Variants in DTNA observed in about 807,000 individuals in gnomAD.
DTNA encodes the protein dystrobrevin alpha.
A neutral mutation model predicts 100.7 loss-of-function variants in DTNA; 43 were observed. That is an observed-to-expected ratio of 0.43 (90% CI 0.33 to 0.55). DTNA has a LOEUF of 0.55. Among genes scored for constraint, DTNA ranks in the 20% least tolerant of loss-of-function variants. The probability of loss-of-function intolerance (pLI) is 0.04; values close to 1 mark genes in which losing one functional copy is unlikely to be tolerated. For synonymous variants in DTNA, 349 were observed against 347.9 expected, an observed-to-expected ratio of 1.00 and a Z score of -0.04; for missense variants, 798 against 953.9, an observed-to-expected ratio of 0.84 and a Z score of 2.15.
chr18:34,543,936 C>A (rs920598952), intron 1 of DTNA, among the ~76,000 whole-genome samples: 4 of 152,048 alleles, frequency 2.6e-5, no homozygotes, highest in Non-Finnish European at 5.9e-5. Flanking sequence ...AGGAAGGGGG[C>A]TGTTTTTGCA....
chr18:34,716,574 A>G (rs1184048745), intron 1 of DTNA, among the ~76,000 whole-genome samples: 1 of 152,152 alleles, frequency 6.6e-6, no homozygotes, highest in East Asian at 1.9e-4. Context: ...AATTAAAAGA[A>G]AGAAAGAAAA....
chr18:34,822,700 T>G (rs9947522), intron 9 of DTNA: 11,136 of 153,714 alleles, frequency 0.072, 415 homozygotes, highest in African/African-American at 0.079. Flanking sequence ...AGTATTTAAT[T>G]GGCTGAGTAA....
At chr18:34,772,402 A>G (rs1340995270) in intron 3 of DTNA, among the ~76,000 whole-genome samples, 2 of 152,208 alleles carry the variant, frequency 1.3e-5, no homozygotes, top group Non-Finnish European at 2.9e-5. Context: ...AAAAAAATGC[A>G]GTTACCTTTT....
chr18:34,719,655 G>A (rs1398115545), intron 1 of DTNA, among the ~76,000 whole-genome samples: 1 of 152,178 alleles, frequency 6.6e-6, no homozygotes, highest in Non-Finnish European at 1.5e-5. Context: ...TTATCATTAT[G>A]TAATAAGATT....
At chr18:34,525,389 C>T (rs1198050165) in intron 1 of DTNA, among the ~76,000 whole-genome samples, 1 of 152,128 alleles carries the variant, frequency 6.6e-6, no homozygotes, top group Non-Finnish European at 1.5e-5. Context: ...CTTTCTCGCA[C>T]ACTGTCTTTC....
At chr18:34,787,693 A>G (rs548839850) in intron 3 of DTNA, among the ~76,000 whole-genome samples, 113 of 152,296 alleles carry the variant, frequency 7.4e-4, no homozygotes, top group African/African-American at 2.6e-3. Context: ...CAGAAAACAC[A>G]TTAAAAATAT....
At chr18:34,854,706 T>C (rs1171848098) in intron 15 of DTNA, among the ~76,000 whole-genome samples, 11 of 152,168 alleles carry the variant, frequency 7.2e-5, no homozygotes, top group Admixed American at 7.2e-4. Flanking sequence ...CTCTAAGACA[T>C]ATTATGATTG....
chr18:34,752,142 A>T (rs1385983097), intron 1 of DTNA, among the ~76,000 whole-genome samples: 2 of 152,208 alleles, frequency 1.3e-5, no homozygotes, highest in African/African-American at 2.4e-5. Context: ...AAAACTGACC[A>T]AATTGGGCTC....
At chr18:34,625,234 G>A (rs1387789758) in intron 1 of DTNA, among the ~76,000 whole-genome samples, 4 of 152,104 alleles carry the variant, frequency 2.6e-5, no homozygotes, top group African/African-American at 4.8e-5. Context: ...TCACCATGTT[G>A]GCCAGACTGG....
intron 1 of DTNA, among the ~76,000 whole-genome samples, chr18:34,527,455 A>G (rs1161435944): frequency 6.6e-6 from 1 of 152,016 alleles, no homozygotes; most frequent in Non-Finnish European, 1.5e-5. Context: ...ATAGACAGAA[A>G]CTTCAGCAAA....
intron 1 of DTNA, among the ~76,000 whole-genome samples, chr18:34,516,455 C>G (rs1452325691): frequency 6.6e-6 from 1 of 152,054 alleles, no homozygotes; most frequent in Non-Finnish European, 1.5e-5. Context: ...GGTTTGAGAG[C>G]AGACAACTGG....
intron 1 of DTNA, among the ~76,000 whole-genome samples, chr18:34,495,773 A>G (rs1427945260): frequency 6.6e-6 from 1 of 152,188 alleles, no homozygotes; most frequent in Non-Finnish European, 1.5e-5. Context: ...AAGTTGAAAT[A>G]CTTTTAAAAT....
chr18:34,692,683 T>G (rs1215180887), intron 1 of DTNA, among the ~76,000 whole-genome samples: 1 of 152,210 alleles, frequency 6.6e-6, no homozygotes, highest in African/African-American at 2.4e-5. Flanking sequence ...AACAAGAGTT[T>G]AAAAGATGTA....
At chr18:34,585,596 G>A (rs1296572745) in intron 1 of DTNA, among the ~76,000 whole-genome samples, 1 of 152,076 alleles carries the variant, frequency 6.6e-6, no homozygotes, top group Non-Finnish European at 1.5e-5. Flanking sequence ...CAGGGAGGCA[G>A]GAAAGAAGAA....
At chr18:34,867,586 A>G in intron 17 of DTNA, 1 of 1,053,672 alleles carries the variant, frequency 9.5e-7, no homozygotes, top group Non-Finnish European at 1.1e-6. Context: ...GCATAGAAAA[A>G]GGAAATAAGG....
chr18:34,586,610 TGTC>T (rs1278198504), intron 1 of DTNA, among the ~76,000 whole-genome samples: 2 of 152,204 alleles, frequency 1.3e-5, no homozygotes, highest in African/African-American at 4.8e-5. Flanking sequence ...AAAACAGAAT[TGTC>T]GTATTTCTAA....
chr18:34,794,956 G>A (rs1299670267), intron 4 of DTNA, among the ~76,000 whole-genome samples: 1 of 152,198 alleles, frequency 6.6e-6, no homozygotes, highest in Non-Finnish European at 1.5e-5. Context: ...TAGTGGCCGA[G>A]TGGGGACTTA....
chr18:34,790,050 C>T (rs765968515), intron 3 of DTNA, among the ~76,000 whole-genome samples: 3 of 152,206 alleles, frequency 2.0e-5, no homozygotes, highest in Admixed American at 1.3e-4. Flanking sequence ...CATGACTATG[C>T]CTTATTGCAT....
intron 4 of DTNA, among the ~76,000 whole-genome samples, chr18:34,800,069 A>G (rs2095149216): frequency 6.6e-6 from 1 of 152,240 alleles, no homozygotes; most frequent in African/African-American, 2.4e-5. Context: ...AATTCAAAGC[A>G]TCACATAACT....
Sources: gnomAD v4.1 joint callset for allele counts (sites outside exome capture counted in the v4.1 genomes callset) on GRCh38, gnomAD v4.1.1 for gene constraint, MANE v1.5 for transcripts, NCBI Gene and HGNC (gene_info 2026-07-23, HGNC 2026-07-21) for gene names.